Variants in UBE2F observed in about 807,000 individuals in gnomAD.
The protein encoded by UBE2F is ubiquitin conjugating enzyme E2 F (putative).
UBE2F carries 5 observed loss-of-function variants against 29.6 expected under a neutral mutation model. The ratio of observed to expected loss-of-function variants is 0.17; its 90% CI spans 0.09 to 0.36. The LOEUF (loss-of-function observed/expected upper bound fraction) is 0.36. Among genes scored for constraint, UBE2F ranks in the 10% least tolerant of loss-of-function variants. The pLI is 1.00. For synonymous variants in UBE2F, 66 were observed against 81.8 expected, an observed-to-expected ratio of 0.81 and a Z score of 1.04; for missense variants, 141 against 228.5, an observed-to-expected ratio of 0.62 and a Z score of 2.47.
At chr2:238,023,424 TTTGTGGTA>T (rs750553164) in intron 5 of UBE2F, among the ~76,000 whole-genome samples, 2 of 152,210 alleles carry the variant, frequency 1.3e-5, no homozygotes, top group Non-Finnish European at 2.9e-5. Context: ...ATCTACTGAT[TTTGTGGTA>T]TTTTGAAATT....
chr2:237,994,184 C>T (rs1414722215), intron 3 of UBE2F, among the ~76,000 whole-genome samples: 3 of 149,772 alleles, frequency 2.0e-5, no homozygotes, highest in Non-Finnish European at 4.4e-5. Flanking sequence ...GATCTTGGCT[C>T]ACTGCAACCT....
intron 2 of UBE2F, among the ~76,000 whole-genome samples, chr2:237,974,461 A>G (rs1008002608): frequency 6.9e-6 from 1 of 145,770 alleles, no homozygotes; most frequent in Non-Finnish European, 1.5e-5. Flanking sequence ...AAGTGCTGGG[A>G]TTACAGGCAT....
At chr2:237,987,515 T>C (rs570360796) in intron 2 of UBE2F, among the ~76,000 whole-genome samples, 17 of 152,246 alleles carry the variant, frequency 1.1e-4, no homozygotes, top group Admixed American at 8.5e-4. Context: ...GGGACTGCGA[T>C]GTCTGAGGCC....
rs2106413213 is a variant in UBE2F at position 238,035,948 on chromosome 2, A to G, written c.507+8A>G. The G allele has an allele frequency of 6.2e-7, 1 of 1,612,506 alleles. No individual in the cohort carries two copies. Among genetic ancestry groups the G allele is most frequent in the Non-Finnish European group, 8.5e-7 (1 of 1,178,814 alleles). On this transcript the variant is annotated splice_region_variant and intron_variant, in intron 9 of 9. Transcript: ENST00000272930. ...CATCATTTGCGGGACAAGGTGAGCC[A>G]GTAACAGGCTTATTCTAGGTTGATG...
At chr2:237,969,774 C>T (rs1372603841) in intron 1 of UBE2F, among the ~76,000 whole-genome samples, 1 of 152,116 alleles carries the variant, frequency 6.6e-6, no homozygotes, top group Non-Finnish European at 1.5e-5. Flanking sequence ...GAGAGCTTGG[C>T]TCTAGATGGT....
chr2:238,016,974 A>G (rs79731232), intron 5 of UBE2F, among the ~76,000 whole-genome samples: 8,038 of 152,296 alleles, frequency 0.053, 581 homozygotes, highest in East Asian at 0.2. Context: ...AAAATTCCAG[A>G]AGTCTATAAA....
intron 5 of UBE2F, among the ~76,000 whole-genome samples, chr2:238,022,401 AT>A (rs1466820180): frequency 6.6e-6 from 1 of 151,798 alleles, no homozygotes; most frequent in African/African-American, 2.4e-5. Flanking sequence ...TTTCTTCTAG[AT>A]TTACTAGAGT....
intron 2 of UBE2F, among the ~76,000 whole-genome samples, chr2:237,987,473 G>T (rs1395650264): frequency 1.3e-5 from 2 of 152,170 alleles, no homozygotes; most frequent in Non-Finnish European, 2.9e-5. Flanking sequence ...GGGGTGCTGG[G>T]CTTAAACACC....
chr2:237,968,603 C>T (rs1298942266), intron 1 of UBE2F, among the ~76,000 whole-genome samples: 1 of 152,218 alleles, frequency 6.6e-6, no homozygotes, highest in African/African-American at 2.4e-5. Flanking sequence ...GCACAAGTGA[C>T]ATGGCCTGGT....
At chr2:238,035,601 G>A (rs911574928) in intron 8 of UBE2F, 7 of 321,056 alleles carry the variant, frequency 2.2e-5, no homozygotes, top group East Asian at 5.7e-5. Context: ...AAATGAATGC[G>A]ATTGCAATTT....
rs1484502750 is a variant in UBE2F, at chr2:237,982,733, A to G, written c.119-5230A>G. ...AAGATCAAGTTTAATTATATAGGTA[A>G]CCCTTATTTAAAAGTGATCATTATG... On this transcript the variant is annotated intron_variant, in intron 2 of 9. Transcript: ENST00000272930. The surrounding 1 kb of genome is among the most constrained non-coding windows in gnomAD (Gnocchi z 4.1). Among the ~76,000 whole-genome samples, 1 of 152,180 alleles carries G rather than the reference A, an allele frequency of 6.6e-6. No individual in the cohort carries two copies. Among genetic ancestry groups the G allele is most frequent in the African/African-American group, 2.4e-5 (1 of 41,438 alleles).
At chr2:238,016,702 C>G (rs1199246351) in intron 5 of UBE2F, 69 bp downstream of exon 5, 4 of 1,393,642 alleles carry the variant, frequency 2.9e-6, no homozygotes, top group African/African-American at 2.9e-5. Flanking sequence ...TGGCCCGCCA[C>G]TGGCACAGGG....
At chr2:238,003,378 G>T (rs1477834581) in intron 4 of UBE2F, 1 of 470,910 alleles carries the variant, frequency 2.1e-6, no homozygotes, top group East Asian at 6.9e-5. Context: ...AATTTGGCTG[G>T]TGTGATGCTT....
Position 237,982,260 on chromosome 2 carries a change from C to T in UBE2F, c.119-5703C>T, listed in dbSNP as rs2063395566. The stretch of plus-strand genomic sequence containing the variant: ...TTTGCTGGCCCCTGAGTGCCTCTTG[C>T]TCCCGCACCCCTATCCCCGTAGGAG... On this transcript the variant is annotated intron_variant, in intron 2 of 9. Transcript: ENST00000272930. The surrounding 1 kb of genome is among the most constrained non-coding windows in gnomAD (Gnocchi z 4.1). 6.6e-6 allele frequency among the ~76,000 whole-genome samples: 1 copy of T among 152,160 alleles called. No homozygotes were observed. Among genetic ancestry groups the T allele is most frequent in the Admixed American group, 6.5e-5 (1 of 15,278 alleles).
intron 1 of UBE2F, among the ~76,000 whole-genome samples, chr2:237,969,394 G>A (rs2063126946): frequency 6.6e-6 from 1 of 152,164 alleles, no homozygotes; most frequent in Admixed American, 6.5e-5. Flanking sequence ...TCAGGGAGCT[G>A]CATGTGGCCC....
chr2:237,992,071 G>A (rs1483673833), intron 3 of UBE2F, among the ~76,000 whole-genome samples: 1 of 151,962 alleles, frequency 6.6e-6, no homozygotes, highest in East Asian at 1.9e-4. Context: ...TTACCATGTT[G>A]GCCAGGCTAG....
At chr2:238,006,396 G>A (rs370041534) in intron 4 of UBE2F, among the ~76,000 whole-genome samples, 7 of 152,240 alleles carry the variant, frequency 4.6e-5, no homozygotes, top group South Asian at 2.1e-4. Flanking sequence ...GGGGACACAC[G>A]TCCAAACCAT....
At chr2:238,012,452 A>G (rs1008064069) in intron 4 of UBE2F, among the ~76,000 whole-genome samples, 3 of 152,232 alleles carry the variant, frequency 2.0e-5, no homozygotes, top group African/African-American at 7.2e-5. Flanking sequence ...TTTGCTGGAA[A>G]TGCTGAGGAA....
chr2:237,978,100 C>G (rs906114284), intron 2 of UBE2F, among the ~76,000 whole-genome samples: 3 of 152,112 alleles, frequency 2.0e-5, no homozygotes, highest in African/African-American at 7.2e-5. Context: ...CAGAGCTGTC[C>G]CCAGTCTGGT....
Sources: allele counts gnomAD v4.1 joint callset (sites outside exome capture counted in the v4.1 genomes callset), GRCh38; gene constraint gnomAD v4.1.1; non-coding constraint Gnocchi (gnomAD v3.1); transcripts MANE v1.5; gene names NCBI Gene and HGNC (gene_info 2026-07-23, HGNC 2026-07-21).